The following ANKS1A variants were observed in gnomAD, a reference collection of about 807,000 sequenced individuals.
ANKS1A encodes the protein ankyrin repeat and SAM domain-containing protein 1A.
In ANKS1A, 55 loss-of-function variants were observed where a neutral mutation model predicts 120.3. That is an observed-to-expected ratio of 0.46 (90% CI 0.37 to 0.57). The LOEUF is 0.57. ANKS1A is among the 20% of genes least tolerant of loss of function. ANKS1A has a pLI of 0.00. For missense variants in ANKS1A, 1,123 were observed against 1,480.3 expected, an observed-to-expected ratio of 0.76 and a Z score of 3.96; for synonymous variants, 590 against 604.7, an observed-to-expected ratio of 0.98 and a Z score of 0.36.
chr6:35,081,708 C>A (rs1478373160), intron 17 of ANKS1A, among the ~76,000 whole-genome samples: 1 of 152,266 alleles, frequency 6.6e-6, no homozygotes, highest in Non-Finnish European at 1.5e-5. Context: ...GCCTCCTCCG[C>A]TCCCGGTGCC....
intron 1 of ANKS1A, among the ~76,000 whole-genome samples, chr6:34,904,306 C>T (rs1767526438): frequency 2.0e-5 from 3 of 152,064 alleles, no homozygotes; most frequent in South Asian, 2.1e-4. Flanking sequence ...ATAGATGCAG[C>T]CATCCATTTT....
In ANKS1A at chr6:34,889,582, C is replaced by G. The variant is rs574085852; in HGVS notation, c.180C>G (p.Pro60=). ...GCGGCCTCGGCTCTTCCAGCCACCCCCTCTCCAGTCTGCTCAGGTGGGTAC... is the reference window on the plus strand; with the variant it reads ...GCGGCCTCGGCTCTTCCAGCCACCCGCTCTCCAGTCTGCTCAGGTGGGTAC... ...GGGGLGSSSH[P]LSSLLSMWRG... The change falls in exon 1 of 24, where the codon CCC becomes CCG. Residue 60 remains proline (P), a synonymous_variant. Transcript: ENST00000360359. The surrounding 1 kb of genome is among the most constrained non-coding windows in gnomAD (Gnocchi z 5.5). 1.5e-6 allele frequency: 2 copies of G among 1,299,072 alleles called. No individual in the cohort carries two copies. Among genetic ancestry groups the G allele is most frequent in the Non-Finnish European group, 9.7e-7 (1 of 1,034,042 alleles). 80.5% of individuals were successfully genotyped at this position (1,299,072 alleles called of 1,614,324 possible).
At chr6:34,969,446 G>C (rs1449368387) in intron 2 of ANKS1A, among the ~76,000 whole-genome samples, 1 of 152,092 alleles carries the variant, frequency 6.6e-6, no homozygotes, top group East Asian at 1.9e-4. Context: ...GCAGAGACGG[G>C]CTTTCGCCAT....
intron 13 of ANKS1A, among the ~76,000 whole-genome samples, chr6:35,068,051 AG>A (rs1776871159): frequency 6.6e-6 from 1 of 151,854 alleles, no homozygotes; most frequent in Admixed American, 6.6e-5. Flanking sequence ...GCACTACCAC[AG>A]CCAGCTAATT....
At chr6:35,094,454 A>AG (rs1778399614), downstream of ANKS1A, among the ~76,000 whole-genome samples, 1 of 152,116 alleles carries the variant, frequency 6.6e-6, no homozygotes, top group Admixed American at 6.6e-5. Context: ...AAAAAAAAAA[A>AG]AAGATATCAG....
intron 1 of ANKS1A, among the ~76,000 whole-genome samples, chr6:34,913,535 G>A (rs945098593): frequency 2.6e-5 from 4 of 152,180 alleles, no homozygotes; most frequent in Admixed American, 2.6e-4. Flanking sequence ...TCAAACGCAT[G>A]AGCTCAAGTG....
chr6:34,992,432 A>G (rs748549189), intron 9 of ANKS1A, among the ~76,000 whole-genome samples: 3 of 152,206 alleles, frequency 2.0e-5, no homozygotes, highest in Non-Finnish European at 4.4e-5. Flanking sequence ...AGGATATTAT[A>G]GGCTGGGCAT....
chr6:34,944,336 G>C (rs1425793564), intron 1 of ANKS1A, among the ~76,000 whole-genome samples: 1 of 152,052 alleles, frequency 6.6e-6, no homozygotes, highest in Non-Finnish European at 1.5e-5. Context: ...GAGAGTTCCT[G>C]TTGCTCCATA....
At chr6:35,046,365 C>G (rs1775721250) in intron 11 of ANKS1A, among the ~76,000 whole-genome samples, 1 of 152,208 alleles carries the variant, frequency 6.6e-6, no homozygotes, top group African/African-American at 2.4e-5. Flanking sequence ...TCCTTCGCCT[C>G]TCGGGCATGT....
At chr6:34,978,595 C>T (rs1004580189) in intron 3 of ANKS1A, among the ~76,000 whole-genome samples, 3 of 152,000 alleles carry the variant, frequency 2.0e-5, no homozygotes, top group Admixed American at 6.5e-5. Flanking sequence ...CACCTGAGGT[C>T]GGGAATTCAA....
At chr6:34,961,959 C>T (rs756107115) in intron 1 of ANKS1A, among the ~76,000 whole-genome samples, 2 of 152,146 alleles carry the variant, frequency 1.3e-5, no homozygotes, top group Non-Finnish European at 2.9e-5. Flanking sequence ...CCGCTGATTT[C>T]GTGTGTGATT....
In ANKS1A at chr6:34,994,382, A is replaced by G. The variant is rs1482537850; in HGVS notation, c.1383A>G (p.Ala461=). ...DEHPYELLLT[A]ETKKVVLVDG... is the part of the protein sequence containing the mutation. ...ACCCTTATGAACTGTTGTTAACAGC[A>G]GAGACAAAGAAAGTGGTGTTGGTGG... Residue 461 remains alanine (A), a synonymous_variant, in exon 10 of 24, where the codon GCA becomes GCG. Transcript: ENST00000360359. 6 of 1,613,510 alleles carry G rather than the reference A, an allele frequency of 3.7e-6. No individual in the cohort carries two copies. The highest frequency in any genetic ancestry group is 5.1e-6 in the Non-Finnish European group (6 of 1,179,506).
intron 1 of ANKS1A, among the ~76,000 whole-genome samples, chr6:34,923,448 A>G (rs1048644456): frequency 3.3e-5 from 5 of 152,208 alleles, no homozygotes; most frequent in Non-Finnish European, 5.9e-5. Context: ...GAAATCAAAG[A>G]TTTCTGGAAT....
chr6:35,002,382 G>A (rs535099689), intron 10 of ANKS1A, among the ~76,000 whole-genome samples: 33 of 152,250 alleles, frequency 2.2e-4, no homozygotes, highest in African/African-American at 3.9e-4. Flanking sequence ...ACGCATGGCC[G>A]AAGCATGAGG....
the ANKS1A span, among the ~76,000 whole-genome samples, chr6:35,097,865 T>G: frequency 1.3e-5 from 2 of 152,082 alleles, no homozygotes; most frequent in African/African-American, 4.8e-5. Flanking sequence ...AGGAAAAGGA[T>G]GAAGAGATTT....
chr6:35,007,495 T>C (rs1773525289), intron 10 of ANKS1A, among the ~76,000 whole-genome samples: 1 of 152,252 alleles, frequency 6.6e-6, no homozygotes, highest in African/African-American at 2.4e-5. Flanking sequence ...TTGTATAGCG[T>C]AGTCATTTAT....
intron 10 of ANKS1A, among the ~76,000 whole-genome samples, chr6:35,011,756 C>G (rs1414374826): frequency 6.6e-6 from 1 of 152,198 alleles, no homozygotes; most frequent in Non-Finnish European, 1.5e-5. Context: ...AAACCAGCCT[C>G]TCTGTGCAGT....
intron 9 of ANKS1A, among the ~76,000 whole-genome samples, chr6:34,992,205 A>G (rs756854012): frequency 6.6e-6 from 1 of 151,988 alleles, no homozygotes; most frequent in Non-Finnish European, 1.5e-5. Context: ...AAGTCCCCAG[A>G]CCTCTCTGGG....
At chr6:35,076,874 C>G (rs529593056) in intron 13 of ANKS1A, among the ~76,000 whole-genome samples, 24 of 152,298 alleles carry the variant, frequency 1.6e-4, no homozygotes, top group African/African-American at 4.8e-4. Flanking sequence ...AGGTGATCCA[C>G]CTGCCTCAGC....
Sources: allele counts gnomAD v4.1 joint callset (sites outside exome capture counted in the v4.1 genomes callset), GRCh38; gene constraint gnomAD v4.1.1; non-coding constraint Gnocchi (gnomAD v3.1); transcripts MANE v1.5; gene names NCBI Gene and HGNC (gene_info 2026-07-23, HGNC 2026-07-21).